Variants in LHFPL3 observed in about 807,000 individuals in gnomAD.
LHFPL3 encodes the protein LHFPL tetraspan subfamily member 3, also known as LHFPL tetraspan subfamily member 3 protein.
A neutral mutation model predicts 19.3 loss-of-function variants in LHFPL3; 5 were observed. That is an observed-to-expected ratio of 0.26 (90% CI 0.14 to 0.54). The LOEUF is 0.54. LHFPL3 is among the 20% of genes least tolerant of loss of function. LHFPL3 has a pLI of 0.94. For synonymous variants in LHFPL3, 133 were observed against 126.2 expected (o/e 1.05, Z -0.36); for missense variants, 249 against 307.4 (o/e 0.81, Z 1.42).
chr7:104,466,753 G>A (rs1792794355), intron 1 of LHFPL3, among the ~76,000 whole-genome samples: 2 of 152,200 alleles, frequency 1.3e-5, no homozygotes, highest in South Asian at 4.1e-4. Context: ...ATGGATTTTA[G>A]CTGAAATTGA....
chr7:104,450,890 C>T (rs1792424059), intron 1 of LHFPL3, among the ~76,000 whole-genome samples: 1 of 152,210 alleles, frequency 6.6e-6, no homozygotes, highest in Admixed American at 6.5e-5. Context: ...TCCCCATTCT[C>T]AGTGAGCTTT....
At chr7:104,719,857 T>A (rs1236469113) in intron 1 of LHFPL3, among the ~76,000 whole-genome samples, 1 of 152,186 alleles carries the variant, frequency 6.6e-6, no homozygotes. Context: ...GTGGACCGTG[T>A]ATGACCTCGA....
At chr7:104,516,300 C>A (rs1793919914) in intron 1 of LHFPL3, among the ~76,000 whole-genome samples, 1 of 152,040 alleles carries the variant, frequency 6.6e-6, no homozygotes, top group Non-Finnish European at 1.5e-5. Flanking sequence ...GGAAACCACC[C>A]TTATGATTCA....
intron 1 of LHFPL3, among the ~76,000 whole-genome samples, chr7:104,582,656 T>C (rs1584416574): frequency 6.6e-6 from 1 of 151,998 alleles, no homozygotes; most frequent in South Asian, 2.1e-4. Context: ...TTTGAATGGG[T>C]GTTGAATTTT....
At chr7:104,655,513 A>G (rs1792106136) in intron 1 of LHFPL3, among the ~76,000 whole-genome samples, 1 of 152,240 alleles carries the variant, frequency 6.6e-6, no homozygotes, top group South Asian at 2.1e-4. Flanking sequence ...CTAAAGGGCC[A>G]CAGACAAAAT....
rs750802095 is a variant in LHFPL3, at chr7:104,729,289, A to AAT, written c.446-7376_446-7375dup. Among the ~76,000 whole-genome samples the AAT allele has an allele frequency of 1.7e-4, 26 of 152,264 alleles. No homozygotes were observed. In the East Asian group the frequency reaches 4.0e-3, roughly 24 times the overall value. On this transcript the variant is annotated intron_variant, in intron 1 of 2. Transcript: ENST00000424859. ...TGGCAAACATATAATGGGATGTTTT[A>AAT]ATATATATATAGTGTAAAAATTAAA...
At chr7:104,815,812 G>C (rs1462090596) in intron 2 of LHFPL3, among the ~76,000 whole-genome samples, 1 of 152,080 alleles carries the variant, frequency 6.6e-6, no homozygotes, top group African/African-American at 2.4e-5. Context: ...ATGGCTTATT[G>C]GGAGACACAG....
chr7:104,524,414 T>G (rs1226242309), intron 1 of LHFPL3, among the ~76,000 whole-genome samples: 2 of 152,186 alleles, frequency 1.3e-5, no homozygotes, highest in Non-Finnish European at 2.9e-5. Context: ...CTTTGCTTCC[T>G]AATTTTATGG....
At chr7:104,490,060 C>T (rs767728365) in intron 1 of LHFPL3, among the ~76,000 whole-genome samples, 1 of 152,176 alleles carries the variant, frequency 6.6e-6, no homozygotes, top group East Asian at 1.9e-4. Flanking sequence ...ACCAAGACCT[C>T]TGTGCCTGTC....
chr7:104,353,406 C>A (rs910501281), intron 1 of LHFPL3, among the ~76,000 whole-genome samples: 20 of 152,172 alleles, frequency 1.3e-4, no homozygotes, highest in African/African-American at 4.8e-4. Context: ...AACATTCTGT[C>A]ACTGAATCAC....
intron 1 of LHFPL3, among the ~76,000 whole-genome samples, chr7:104,551,884 G>T (rs1397501063): frequency 6.6e-6 from 1 of 152,092 alleles, no homozygotes; most frequent in Non-Finnish European, 1.5e-5. Flanking sequence ...CAGCAACTTG[G>T]ACATCTGGTC....
rs1792195104 is a variant in LHFPL3, at chr7:104,888,836, G to A, written c.683-17351G>A. On this transcript the variant is annotated intron_variant, in intron 2 of 2. Transcript: ENST00000424859. The stretch of plus-strand genomic sequence containing the variant: ...TAAGTTTTCCAGGCGAAGGAAGAGG[G>A]GAGATTTCTGTCCAAATTGTTTCCG... Among the ~76,000 whole-genome samples, 6 of 152,158 alleles carry A rather than the reference G, an allele frequency of 3.9e-5. No homozygotes were observed. In the South Asian group the frequency reaches 1.0e-3, roughly 26 times the overall value.
At chr7:104,401,988 T>C (rs1791321924) in intron 1 of LHFPL3, among the ~76,000 whole-genome samples, 1 of 150,978 alleles carries the variant, frequency 6.6e-6, no homozygotes, top group African/African-American at 2.4e-5. Flanking sequence ...ACAGGAGTCA[T>C]AACAGTCTAC....
intron 1 of LHFPL3, among the ~76,000 whole-genome samples, chr7:104,340,506 T>A (rs181452286): frequency 1.1e-3 from 168 of 152,336 alleles, no homozygotes; most frequent in Non-Finnish European, 2.0e-3. Context: ...CTATGATTAC[T>A]GTTACTATTC....
At chr7:104,757,669 T>C (rs1033989370) in intron 2 of LHFPL3, 1 of 152,366 alleles carries the variant, frequency 6.6e-6, no homozygotes, top group Non-Finnish European at 1.5e-5. Flanking sequence ...CTCACACCAG[T>C]CCAAATGGCC....
At chr7:104,846,749 G>T (rs528558201) in intron 2 of LHFPL3, among the ~76,000 whole-genome samples, 1 of 152,170 alleles carries the variant, frequency 6.6e-6, no homozygotes, top group Admixed American at 6.5e-5. Flanking sequence ...ATCCCGAAAA[G>T]GACCCCAGGT....
At chr7:104,823,156 A>G (rs1562803926) in intron 2 of LHFPL3, among the ~76,000 whole-genome samples, 1 of 152,224 alleles carries the variant, frequency 6.6e-6, no homozygotes, top group South Asian at 2.1e-4. Flanking sequence ...AATGTTATCA[A>G]TAGCTCCCCA....
At chr7:104,390,618 A>G (rs1211449664) in intron 1 of LHFPL3, among the ~76,000 whole-genome samples, 1 of 152,166 alleles carries the variant, frequency 6.6e-6, no homozygotes, top group East Asian at 1.9e-4. Context: ...AGTCTTTGCT[A>G]TTGTGAATAG....
At chr7:104,674,372 C>CTTTTTTTTTTTTTT (rs531335106) in intron 1 of LHFPL3, among the ~76,000 whole-genome samples, 1 of 134,704 alleles carries the variant, frequency 7.4e-6, no homozygotes, top group African/African-American at 2.7e-5. Context: ...TTTTCTTTTT[C>CTTTTTTTTTTTTTT]TTTTTTTTTT....
Sources: allele counts gnomAD v4.1 joint callset (sites outside exome capture counted in the v4.1 genomes callset), GRCh38; gene constraint gnomAD v4.1.1; transcripts MANE v1.5; gene names NCBI Gene and HGNC (gene_info 2026-07-23, HGNC 2026-07-21).